BCAS3: variants seen among roughly 807,000 people sequenced by gnomAD.
BCAS3 encodes BCAS3 microtubule associated cell migration factor, also known as BCAS4/BCAS3 fusion.
Under a neutral mutation model 116.1 loss-of-function variants are expected in BCAS3, and 53 were observed. That is an observed-to-expected ratio of 0.46 (90% confidence interval 0.37 to 0.57). The LOEUF is 0.57. Ranked by LOEUF, BCAS3 falls within the 20% of genes least tolerant of loss-of-function variation. The pLI is 0.00. For synonymous variants in BCAS3, 391 were observed against 408.2 expected (o/e 0.96, Z 0.51); for missense variants, 917 against 1,165.4 (o/e 0.79, Z 3.10).
At chr17:61,067,271 G>GTATATATATATATATA (rs1473028118) in intron 19 of BCAS3, among the ~76,000 whole-genome samples, 7 of 55,100 alleles carry the variant, frequency 1.3e-4, no homozygotes, top group African/African-American at 4.5e-4. Context: ...ATGTGTGTAT[G>GTATATATATATATATA]TGTATATATA....
At chr17:60,966,934 C>A (rs958462374) in intron 14 of BCAS3, among the ~76,000 whole-genome samples, 1 of 152,126 alleles carries the variant, frequency 6.6e-6, no homozygotes, top group Non-Finnish European at 1.5e-5. Flanking sequence ...ATGTGAGTTA[C>A]CATGCCTGGC....
intron 5 of BCAS3, among the ~76,000 whole-genome samples, chr17:60,710,292 T>C (rs1360370024): frequency 6.6e-6 from 1 of 152,224 alleles, no homozygotes; most frequent in Non-Finnish European, 1.5e-5. Context: ...GGTGATATTG[T>C]TGCTCCTTGA....
chr17:61,050,038 A>G (rs931587451), intron 19 of BCAS3, among the ~76,000 whole-genome samples: 5 of 151,984 alleles, frequency 3.3e-5, no homozygotes, highest in African/African-American at 9.7e-5. Context: ...CAGCCAGCAG[A>G]TATCTTTGAA....
rs572352172 is a variant in BCAS3, at chr17:61,181,544, T to C, written c.2425+96980T>C. On this transcript the variant is annotated intron_variant, in intron 22 of 23. Coordinates refer to ENST00000407086, the MANE Select transcript of BCAS3 (RefSeq NM_017679.5). This position sits in a 1 kb window ranked among gnomAD's most constrained non-coding sequence, Gnocchi z 5.0. ...TTTTAATCATTTCCCTTTGATAGTC[T>C]GGTCATTTCTTTTGTCTTTTGAAGA... 6.6e-6 allele frequency among the ~76,000 whole-genome samples: 1 copy of C among 152,344 alleles called. No homozygotes were observed. The highest frequency in any genetic ancestry group is 1.9e-4 in the East Asian group (1 of 5,184).
At chr17:60,988,222 A>G (rs895170499) in intron 14 of BCAS3, among the ~76,000 whole-genome samples, 1 of 149,752 alleles carries the variant, frequency 6.7e-6, no homozygotes, top group Non-Finnish European at 1.5e-5. Context: ...TTGGTTTACT[A>G]GTATTTTGTT....
intron 15 of BCAS3, among the ~76,000 whole-genome samples, chr17:60,996,566 A>G (rs2063850941): frequency 6.6e-6 from 1 of 152,112 alleles, no homozygotes; most frequent in Non-Finnish European, 1.5e-5. Context: ...GGAATTTTGG[A>G]CATGTTAAGT....
At chr17:61,334,429 G>A (rs1297959079) in intron 22 of BCAS3, among the ~76,000 whole-genome samples, 1 of 152,114 alleles carries the variant, frequency 6.6e-6, no homozygotes, top group Non-Finnish European at 1.5e-5. Flanking sequence ...CACTTTGGGG[G>A]GCCAAGACAG....
rs34195685 is a variant in BCAS3, at chr17:60,704,837, C to CA, written c.215-4368dup. 1.8e-3 allele frequency among the ~76,000 whole-genome samples: 262 copies of CA among 142,382 alleles called. 2 individuals are homozygous for CA. Among genetic ancestry groups the CA allele is most frequent in the African/African-American group, 6.6e-3 (252 of 38,252 alleles). The allele number at this position is 142,382 out of a possible 152,430, so 93.4% of individuals were successfully genotyped here. A position where few individuals can be genotyped will look rare whatever the true frequency, so the allele number is the denominator to read the frequency against. On this transcript the variant is annotated intron_variant, in intron 4 of 23. Transcript: ENST00000407086. ...TGGGAGACAGAGTGAGACTCAGTCT[C>CA]AAAAAAAAAAAAAAGTTTTATTGAT...
At chr17:61,223,561 C>T (rs569041481) in intron 22 of BCAS3, among the ~76,000 whole-genome samples, 268 of 152,296 alleles carry the variant, frequency 1.8e-3, no homozygotes, top group Non-Finnish European at 3.1e-3. Flanking sequence ...TGGTCATTCT[C>T]CTATCTGCCC....
intron 7 of BCAS3, among the ~76,000 whole-genome samples, chr17:60,824,683 TG>T (rs2050229251): frequency 6.6e-6 from 1 of 152,222 alleles, no homozygotes; most frequent in Non-Finnish European, 1.5e-5. Flanking sequence ...GGAGCCATCT[TG>T]GCCAATTTTG....
chr17:60,712,784 C>T (rs2038093143), intron 5 of BCAS3, among the ~76,000 whole-genome samples: 1 of 152,072 alleles, frequency 6.6e-6, no homozygotes, highest in Non-Finnish European at 1.5e-5. Context: ...CAAAGAAGGG[C>T]CAAATGGCTG....
intron 22 of BCAS3, among the ~76,000 whole-genome samples, chr17:61,351,335 T>C (rs1251146030): frequency 1.3e-5 from 2 of 152,204 alleles, no homozygotes; most frequent in African/African-American, 4.8e-5. Context: ...CCAAACAGCA[T>C]GGGAATTATC....
intron 22 of BCAS3, among the ~76,000 whole-genome samples, chr17:61,111,296 G>A (rs1289968193): frequency 6.6e-6 from 1 of 151,884 alleles, no homozygotes; most frequent in Non-Finnish European, 1.5e-5. Context: ...CTGAGCTACG[G>A]GAGGACATTC....
intron 22 of BCAS3, among the ~76,000 whole-genome samples, chr17:61,236,520 C>T (rs1040071085): frequency 2.6e-5 from 4 of 152,100 alleles, no homozygotes; most frequent in South Asian, 2.1e-4. Context: ...CGGGGTTTCA[C>T]TGTGTTAGCC....
chr17:61,266,881 AACAGTGTCCTC>A (rs2049767045), intron 22 of BCAS3, among the ~76,000 whole-genome samples: 1 of 152,172 alleles, frequency 6.6e-6, no homozygotes, highest in African/African-American at 2.4e-5. Flanking sequence ...GGCTAGAATA[AACAGTGTCCTC>A]ACACACGCAC....
Position 61,323,445 on chromosome 17 carries a change from G to A in BCAS3, c.2426-44882G>A, listed in dbSNP as rs2055478989. 6.6e-6 allele frequency among the ~76,000 whole-genome samples: 1 copy of A among 152,228 alleles called. No individual in the cohort carries two copies. Among genetic ancestry groups the A allele is most frequent in the Non-Finnish European group, 1.5e-5 (1 of 68,050 alleles). On this transcript the variant is annotated intron_variant, in intron 22 of 23. Coordinates refer to ENST00000407086, the MANE Select transcript of BCAS3 (RefSeq NM_017679.5). This position sits in a 1 kb window ranked among gnomAD's most constrained non-coding sequence, Gnocchi z 4.6. ...CTCCCTGGTAAGCTGTATAATCACA[G>A]GAGTGGCCCTGAACGGACTTAGGAT...
At chr17:60,969,272 A>G (rs2145339737) in intron 14 of BCAS3, among the ~76,000 whole-genome samples, 1 of 152,330 alleles carries the variant, frequency 6.6e-6, no homozygotes, top group African/African-American at 2.4e-5. Flanking sequence ...TCTAGTAGAA[A>G]TTATTTTAAA....
chr17:61,038,486 C>T (rs905113326), intron 18 of BCAS3, among the ~76,000 whole-genome samples: 1 of 151,798 alleles, frequency 6.6e-6, no homozygotes, highest in Non-Finnish European at 1.5e-5. Flanking sequence ...ATCTCCTGAC[C>T]TCGTGATCTG....
rs2058135110 is a variant in BCAS3 at position 61,356,281 on chromosome 17, A to G, written c.2426-12046A>G. 6.6e-6 allele frequency among the ~76,000 whole-genome samples: 1 copy of G among 152,236 alleles called. No homozygotes were observed. Among genetic ancestry groups the G allele is most frequent in the South Asian group, 2.1e-4 (1 of 4,834 alleles). On this transcript the variant is annotated intron_variant, in intron 22 of 23. Coordinates refer to ENST00000407086, the MANE Select transcript of BCAS3 (RefSeq NM_017679.5). This position sits in a 1 kb window ranked among gnomAD's most constrained non-coding sequence, Gnocchi z 5.4. ...AGTGCTGGGATTACAGGCGTGAGCCACCGCACCTGGCCAGGAAACATTGTC... is the reference window on the plus strand; with the variant it reads ...AGTGCTGGGATTACAGGCGTGAGCCGCCGCACCTGGCCAGGAAACATTGTC...
Sources: allele counts gnomAD v4.1 joint callset (sites outside exome capture counted in the v4.1 genomes callset), GRCh38; gene constraint gnomAD v4.1.1; non-coding constraint Gnocchi (gnomAD v3.1); transcripts MANE v1.5; gene names NCBI Gene and HGNC (gene_info 2026-07-23, HGNC 2026-07-21).